HS6ST3: variants seen among roughly 807,000 people sequenced by gnomAD.
HS6ST3 encodes the protein heparan-sulfate 6-O-sulfotransferase 3.
Under a neutral mutation model 36.7 loss-of-function variants are expected in HS6ST3, and 12 were observed. The ratio of observed to expected loss-of-function variants is 0.33; its 90% CI spans 0.21 to 0.53. The LOEUF (loss-of-function observed/expected upper bound fraction) is 0.53. HS6ST3 is among the 20% of genes least tolerant of loss of function. The probability of loss-of-function intolerance (pLI) is 0.95; values close to 1 mark genes in which losing one functional copy is unlikely to be tolerated. For synonymous variants in HS6ST3, 240 were observed against 257.5 expected, an observed-to-expected ratio of 0.93 and a Z score of 0.65; for missense variants, 584 against 640.9, an observed-to-expected ratio of 0.91 and a Z score of 0.96.
chr13:96,743,761 G>T (rs1245869059), intron 1 of HS6ST3, among the ~76,000 whole-genome samples: 1 of 151,920 alleles, frequency 6.6e-6, no homozygotes, highest in African/African-American at 2.4e-5. Flanking sequence ...TTTGGGGTAG[G>T]GTCTAATTTT....
chr13:96,792,870 A>C (rs924047553), intron 1 of HS6ST3, among the ~76,000 whole-genome samples: 2 of 151,986 alleles, frequency 1.3e-5, no homozygotes, highest in Non-Finnish European at 2.9e-5. Flanking sequence ...TATTAATCTT[A>C]GTTAAAAGAT....
intron 1 of HS6ST3, among the ~76,000 whole-genome samples, chr13:96,535,056 C>T (rs963757978): frequency 1.5e-4 from 23 of 152,130 alleles, no homozygotes; most frequent in African/African-American, 5.6e-4. Flanking sequence ...AGAAACCTGA[C>T]TTAGTGGGAA....
intron 1 of HS6ST3, among the ~76,000 whole-genome samples, chr13:96,667,867 A>G (rs949125813): frequency 3.3e-5 from 5 of 152,172 alleles, no homozygotes; most frequent in African/African-American, 1.2e-4. Context: ...AGCCACCTGC[A>G]TGTGCCCTTG....
intron 1 of HS6ST3, among the ~76,000 whole-genome samples, chr13:96,145,159 G>GTA (rs1447622286): frequency 1.4e-5 from 2 of 141,760 alleles, no homozygotes; most frequent in African/African-American, 5.3e-5. Flanking sequence ...AATCCTTTGG[G>GTA]TATATACCCA....
intron 1 of HS6ST3, among the ~76,000 whole-genome samples, chr13:96,421,531 T>G (rs1466098199): frequency 3.9e-5 from 6 of 152,246 alleles, no homozygotes; most frequent in Non-Finnish European, 5.9e-5. Context: ...TGATCTGACC[T>G]CTGCAATACT....
chr13:96,099,240 A>G (rs959313128), intron 1 of HS6ST3, among the ~76,000 whole-genome samples: 2 of 152,118 alleles, frequency 1.3e-5, no homozygotes, highest in Non-Finnish European at 2.9e-5. Context: ...CCACACCCCA[A>G]CACATATATG....
chr13:96,321,755 A>C (rs2055004065), intron 1 of HS6ST3, among the ~76,000 whole-genome samples: 1 of 152,152 alleles, frequency 6.6e-6, no homozygotes, highest in Non-Finnish European at 1.5e-5. Flanking sequence ...AGTCCGTGGC[A>C]GATTCAACCC....
At chr13:96,168,686 T>G in intron 1 of HS6ST3, among the ~76,000 whole-genome samples, 1 of 66,292 alleles carries the variant, frequency 1.5e-5, no homozygotes. Context: ...GGTGACAGAG[T>G]GAGACCAAAA....
intron 1 of HS6ST3, among the ~76,000 whole-genome samples, chr13:96,116,223 A>G (rs1218521319): frequency 6.6e-6 from 1 of 152,178 alleles, no homozygotes; most frequent in Non-Finnish European, 1.5e-5. Flanking sequence ...CTGTTCACTT[A>G]CTGGCTTCTT....
At chr13:96,516,295 A>T (rs1442414949) in intron 1 of HS6ST3, among the ~76,000 whole-genome samples, 1 of 151,896 alleles carries the variant, frequency 6.6e-6, no homozygotes, top group African/African-American at 2.4e-5. Context: ...TGAACTCCTG[A>T]CCTCAAGTGA....
chr13:96,190,473 C>G (rs2054283700), intron 1 of HS6ST3, among the ~76,000 whole-genome samples: 1 of 152,218 alleles, frequency 6.6e-6, no homozygotes, highest in African/African-American at 2.4e-5. Context: ...AAACTACTCT[C>G]CCAATGAGGT....
chr13:96,158,211 C>T (rs1213077979), intron 1 of HS6ST3, among the ~76,000 whole-genome samples: 2 of 151,980 alleles, frequency 1.3e-5, no homozygotes, highest in East Asian at 1.9e-4. Flanking sequence ...TTAGATGGGT[C>T]GCCTGGCTGT....
At chr13:96,228,533 G>A (rs912181749) in intron 1 of HS6ST3, among the ~76,000 whole-genome samples, 4 of 152,098 alleles carry the variant, frequency 2.6e-5, no homozygotes, top group Non-Finnish European at 5.9e-5. Flanking sequence ...CCCAAAGTGC[G>A]AGGATTACAG....
chr13:96,572,510 C>G (rs1240879015), intron 1 of HS6ST3, among the ~76,000 whole-genome samples: 2 of 152,070 alleles, frequency 1.3e-5, no homozygotes, highest in Admixed American at 6.6e-5. Context: ...ATAGGCCCTA[C>G]AGTAGATATA....
At chr13:96,666,295 TG>T (rs2056664063) in intron 1 of HS6ST3, among the ~76,000 whole-genome samples, 1 of 152,122 alleles carries the variant, frequency 6.6e-6, no homozygotes, top group South Asian at 2.1e-4. Context: ...TCTGATGACA[TG>T]GGGGGATTAT....
At chr13:96,362,319 T>A (rs985943550) in intron 1 of HS6ST3, among the ~76,000 whole-genome samples, 1 of 152,240 alleles carries the variant, frequency 6.6e-6, no homozygotes, top group East Asian at 1.9e-4. Flanking sequence ...GAATATAATT[T>A]GATTGCAGAA....
intron 1 of HS6ST3, among the ~76,000 whole-genome samples, chr13:96,131,886 C>G (rs567694056): frequency 6.6e-6 from 1 of 151,556 alleles, no homozygotes; most frequent in Admixed American, 6.6e-5. Context: ...TTCACTAAGC[C>G]TTATATCATG....
chr13:96,140,227 C>T (rs111234764), intron 1 of HS6ST3, among the ~76,000 whole-genome samples: 1 of 152,072 alleles, frequency 6.6e-6, no homozygotes, highest in Non-Finnish European at 1.5e-5. Context: ...CATAAAGGTG[C>T]AGTATTAAAT....
At position 96,091,142 on chromosome 13, in the gene HS6ST3, G is replaced by A; in HGVS notation, c.280G>A (p.Glu94Lys). The change falls in exon 1 of 2, where the codon GAG becomes AAG. Residue 94 changes from glutamate (E) to lysine (K), a missense_variant. Glu to Lys is a moderately conservative substitution (Grantham distance 56). Coordinates refer to ENST00000376705, the MANE Select transcript of HS6ST3 (RefSeq NM_153456.4). The stretch of plus-strand genomic sequence containing the variant: ...CGCGGCGCCGGAGGAGGAGGACGAG[G>A]AGCCCGGAGACCCCCGGGAGGGGGA... ...GAAAPEEEDE[E>K]PGDPREGEEE... is the part of the protein sequence containing the mutation. 6.6e-7 allele frequency: 1 copy of A among 1,507,094 alleles called. No individual in the cohort carries two copies. The highest frequency in any genetic ancestry group is 8.9e-7 in the Non-Finnish European group (1 of 1,127,858). 93.4% of individuals were successfully genotyped at this position (1,507,094 alleles called of 1,614,324 possible). A position where few individuals can be genotyped will look rare whatever the true frequency, so the allele number is the denominator to read the frequency against.
Sources: allele counts gnomAD v4.1 joint callset (sites outside exome capture counted in the v4.1 genomes callset), GRCh38; gene constraint gnomAD v4.1.1; transcripts MANE v1.5; gene names NCBI Gene and HGNC (gene_info 2026-07-23, HGNC 2026-07-21).